The following GLRB variants were observed in gnomAD, a reference collection of about 807,000 sequenced individuals.
The protein encoded by GLRB is glycine receptor subunit beta.
A neutral mutation model predicts 54.2 loss-of-function variants in GLRB; 33 were observed. That is an observed-to-expected ratio of 0.61 (90% CI 0.46 to 0.81). The LOEUF (loss-of-function observed/expected upper bound fraction) is 0.81, where lower values mean the gene tolerates loss of function less well. Ranked by LOEUF, GLRB falls within the 40% of genes least tolerant of loss-of-function variation. GLRB has a pLI of 0.00. For missense variants in GLRB, 572 were observed against 584.6 expected, an observed-to-expected ratio of 0.98 and a Z score of 0.22; for synonymous variants, 209 against 208.2, an observed-to-expected ratio of 1.00 and a Z score of -0.03.
At position 157,081,094 on chromosome 4, in the gene GLRB, G is replaced by A. The variant is rs190936220; in HGVS notation, c.122+2948G>A. Among the ~76,000 whole-genome samples, 43 of 152,194 alleles carry A rather than the reference G, an allele frequency of 2.8e-4. 1 individual carries two copies. The highest frequency in any genetic ancestry group is 1.7e-3 in the Admixed American group (26 of 15,286). The stretch of plus-strand genomic sequence containing the variant: ...ATATGTAAGTGAAGCACTAGTACCA[G>A]ATTGACAAAGTATCTGATAAATTTG... On this transcript the variant is annotated intron_variant, in intron 2 of 9. Coordinates refer to ENST00000264428, the MANE Select transcript of GLRB (RefSeq NM_000824.5).
At chr4:157,103,678 A>C (rs1248932018) in intron 2 of GLRB, among the ~76,000 whole-genome samples, 1 of 151,930 alleles carries the variant, frequency 6.6e-6, no homozygotes, top group Non-Finnish European at 1.5e-5. Flanking sequence ...ACCCATGAAC[A>C]TGGGCTGTCT....
In GLRB at chr4:157,143,975, C is replaced by T. The variant is rs1736712970; in HGVS notation, c.904+16C>T. ...GTGCCCCTGGGTAAGGTGTTCCATG[C>T]TTTTTTGTCACATCAGGAACAGATT... is the stretch of plus-strand genomic sequence containing the variant. On this transcript the variant is annotated intron_variant, in intron 8 of 9. Transcript: ENST00000264428. The T allele has an allele frequency of 4.3e-6, 7 of 1,611,106 alleles. No homozygotes were observed. The highest frequency in any genetic ancestry group is 5.1e-6 in the Non-Finnish European group (6 of 1,177,584).
chr4:157,143,213 T>C (rs1203602125), intron 7 of GLRB, among the ~76,000 whole-genome samples: 1 of 152,152 alleles, frequency 6.6e-6, no homozygotes, highest in East Asian at 1.9e-4. Context: ...ATCCGATGTT[T>C]GCACCATATA....
Position 157,078,145 on chromosome 4 carries a change from T to C in GLRB, c.121T>C (p.Ser41Pro), listed in dbSNP as rs139168167. Residue 41 changes from serine (S) to proline (P), a missense_variant and splice_region_variant, in exon 2 of 10, where the codon TCT (serine) becomes CCT (proline). Coordinates refer to ENST00000264428, the MANE Select transcript of GLRB (RefSeq NM_000824.5). ...KGKKKQYLCP[S>P]QQSAEDLARV... ...GAAAAAGAAGCAGTATCTATGCCCA[T>C]CGTATGTTCTTCATGTCTTATATTC... 75 of 1,612,192 alleles carry C rather than the reference T, an allele frequency of 4.7e-5. 1 individual carries two copies. In the African/African-American group the frequency reaches 6.5e-4, roughly 14 times the overall value.
At chr4:157,118,106 A>G (rs946086650) in intron 2 of GLRB, among the ~76,000 whole-genome samples, 3 of 151,650 alleles carry the variant, frequency 2.0e-5, no homozygotes, top group Admixed American at 6.6e-5. Flanking sequence ...AATGAGTTTG[A>G]CTGACACAGC....
intron 9 of GLRB, among the ~76,000 whole-genome samples, chr4:157,169,122 T>G (rs767724473): frequency 9.9e-5 from 15 of 152,074 alleles, no homozygotes; most frequent in Non-Finnish European, 2.1e-4. Flanking sequence ...TTAGTAAATG[T>G]AAATAGAATC....
chr4:157,115,440 T>C (rs925296369), intron 2 of GLRB, among the ~76,000 whole-genome samples: 3 of 151,732 alleles, frequency 2.0e-5, no homozygotes, highest in Non-Finnish European at 4.4e-5. Flanking sequence ...CCTTTCTGAG[T>C]CCTTTTAGTG....
chr4:157,115,988 A>G (rs1384952918), intron 2 of GLRB, among the ~76,000 whole-genome samples: 1 of 151,816 alleles, frequency 6.6e-6, no homozygotes, highest in Admixed American at 6.6e-5. Flanking sequence ...GAAGATTAAT[A>G]CAATATACTC....
At position 157,157,489 on chromosome 4, in the gene GLRB, G is replaced by A. The variant is rs548481222; in HGVS notation, c.1197+4479G>A. 2.0e-4 allele frequency among the ~76,000 whole-genome samples: 30 copies of A among 151,320 alleles called. No homozygotes were observed. The South Asian group carries it at 2.1e-3, about 11-fold the overall frequency. The stretch of plus-strand genomic sequence containing the variant: ...AGATCTCCTAATGCTATCCCTCCCC[G>A]CTCCCCCCACCCCACGACAGGCCCT... On this transcript the variant is annotated intron_variant, in intron 9 of 9. Coordinates refer to ENST00000264428, the MANE Select transcript of GLRB (RefSeq NM_000824.5).
chr4:157,084,704 A>G (rs1206245589), intron 2 of GLRB: 1 of 456,046 alleles, frequency 2.2e-6, no homozygotes, highest in Non-Finnish European at 4.4e-6. Context: ...TTCATACTTC[A>G]GTCTGTATGT....
chr4:157,163,663 T>A (rs547017372), intron 9 of GLRB, among the ~76,000 whole-genome samples: 1 of 152,240 alleles, frequency 6.6e-6, no homozygotes, highest in South Asian at 2.1e-4. Flanking sequence ...GGTTTTTATG[T>A]CTGTACCCAT....
At chr4:157,096,107 G>A (rs545937388) in intron 2 of GLRB, among the ~76,000 whole-genome samples, 2 of 152,254 alleles carry the variant, frequency 1.3e-5, no homozygotes, top group East Asian at 1.9e-4. Context: ...AGCTCAAAGA[G>A]GGGATTTTGA....
chr4:157,131,918 G>A (rs995382141), intron 4 of GLRB, among the ~76,000 whole-genome samples: 5 of 151,782 alleles, frequency 3.3e-5, no homozygotes, highest in Non-Finnish European at 7.4e-5. Flanking sequence ...GCTCCTTTGG[G>A]CAAATACCAA....
intron 8 of GLRB, among the ~76,000 whole-genome samples, chr4:157,151,262 G>A (rs746613349): frequency 6.6e-6 from 1 of 152,022 alleles, no homozygotes; most frequent in Non-Finnish European, 1.5e-5. Context: ...ATTTGGCAAA[G>A]AATAGAAAAA....
chr4:157,138,108 G>T (rs1020987196), intron 6 of GLRB, among the ~76,000 whole-genome samples: 1 of 152,148 alleles, frequency 6.6e-6, no homozygotes, highest in Non-Finnish European at 1.5e-5. Flanking sequence ...GTCTTGCTCT[G>T]TCACCCAGGC....
chr4:157,088,185 G>A (rs574252840), intron 2 of GLRB, among the ~76,000 whole-genome samples: 281 of 152,168 alleles, frequency 1.8e-3, no homozygotes, highest in African/African-American at 6.4e-3. Flanking sequence ...ACTGCTCCTG[G>A]GCTGATTGCT....
At chr4:157,159,586 A>G (rs558066309) in intron 9 of GLRB, among the ~76,000 whole-genome samples, 2 of 152,270 alleles carry the variant, frequency 1.3e-5, no homozygotes, top group Admixed American at 6.5e-5. Flanking sequence ...ATCTATTGAG[A>G]TAATCATCTG....
At chr4:157,107,699 A>G (rs1281733185) in intron 2 of GLRB, among the ~76,000 whole-genome samples, 2 of 152,158 alleles carry the variant, frequency 1.3e-5, no homozygotes, top group Admixed American at 6.6e-5. Context: ...GAGGTGGCAC[A>G]GCAAGTATTG....
intron 8 of GLRB, among the ~76,000 whole-genome samples, chr4:157,144,255 C>T (rs1003918064): frequency 6.6e-6 from 1 of 152,014 alleles, no homozygotes; most frequent in Non-Finnish European, 1.5e-5. Context: ...TGTCTAAAAC[C>T]TTCGGTAGTG....
Sources: allele counts gnomAD v4.1 joint callset (sites outside exome capture counted in the v4.1 genomes callset), GRCh38; gene constraint gnomAD v4.1.1; transcripts MANE v1.5; gene names NCBI Gene and HGNC (gene_info 2026-07-23, HGNC 2026-07-21).